Variants in MTX2 observed in about 807,000 individuals in gnomAD.
MTX2 encodes metaxin 2, also known as metaxin-2.
Under a neutral mutation model 42.3 loss-of-function variants are expected in MTX2, and 35 were observed. The ratio of observed to expected loss-of-function variants is 0.83; its 90% confidence interval spans 0.63 to 1.10. The LOEUF is 1.10. MTX2 is among the 50% of genes least tolerant of loss of function. The probability of loss-of-function intolerance (pLI) is 0.00; values close to 1 mark genes in which losing one functional copy is unlikely to be tolerated. For missense variants in MTX2, 307 were observed against 304.1 expected (o/e 1.01, Z -0.07); for synonymous variants, 119 against 100.9 (o/e 1.18, Z -1.08).
In MTX2 at chr2:176,269,591, T is replaced by TG; in HGVS notation, c.-33dup. On this transcript the variant is annotated 5_prime_UTR_variant, in exon 1 of 10. Transcript: ENST00000249442. ...TTGCGGTGGAGGACGCTGAGGCCCG[T>TG]GGGGGGCAGGCACCCGGGCGCCGGG... 3 of 1,560,232 alleles carry TG rather than the reference T, an allele frequency of 1.9e-6. No homozygotes were observed. Among genetic ancestry groups the TG allele is most frequent in the Middle Eastern group, 1.8e-4 (1 of 5,580 alleles).
chr2:176,291,728 A>G (rs553304606), intron 1 of MTX2, among the ~76,000 whole-genome samples: 51 of 152,278 alleles, frequency 3.3e-4, no homozygotes, highest in Admixed American at 7.2e-4. Flanking sequence ...ACCTTATGCA[A>G]CTGCACAGGT....
At chr2:176,304,398 G>T (rs1684095492) in intron 3 of MTX2, 2 of 152,756 alleles carry the variant, frequency 1.3e-5, no homozygotes, top group African/African-American at 2.4e-5. Context: ...GTTTAAAATA[G>T]TCACAAATAT....
intron 1 of MTX2, among the ~76,000 whole-genome samples, chr2:176,285,562 C>G (rs1261295731): frequency 6.6e-6 from 1 of 151,608 alleles, no homozygotes; most frequent in East Asian, 1.9e-4. Flanking sequence ...AACCACTGGT[C>G]TACTCTGTTT....
At chr2:176,283,934 C>G (rs1331507823) in intron 1 of MTX2, among the ~76,000 whole-genome samples, 2 of 151,384 alleles carry the variant, frequency 1.3e-5, no homozygotes, top group African/African-American at 4.9e-5. Flanking sequence ...ATTTTTAGTT[C>G]TGAGAAAAAC....
At chr2:176,320,253 AAAAAG>A (rs1684547293) in intron 3 of MTX2, among the ~76,000 whole-genome samples, 1 of 152,188 alleles carries the variant, frequency 6.6e-6, no homozygotes, top group Admixed American at 6.5e-5. Context: ...GTCTCAAAAA[AAAAAG>A]AAGCATAGGT....
At chr2:176,282,961 C>G (rs1283497054) in intron 1 of MTX2, among the ~76,000 whole-genome samples, 5 of 152,162 alleles carry the variant, frequency 3.3e-5, no homozygotes, top group Non-Finnish European at 7.4e-5. Context: ...CTTGGCCTCC[C>G]AAAGTGCTGG....
At chr2:176,311,099 T>C (rs551501036) in intron 3 of MTX2, among the ~76,000 whole-genome samples, 71 of 152,260 alleles carry the variant, frequency 4.7e-4, no homozygotes, top group Non-Finnish European at 8.2e-4. Flanking sequence ...ATGACCTTTT[T>C]ATTGATGTTG....
At chr2:176,276,843 A>G (rs1460373635) in intron 1 of MTX2, among the ~76,000 whole-genome samples, 1 of 152,142 alleles carries the variant, frequency 6.6e-6, no homozygotes, top group African/African-American at 2.4e-5. Flanking sequence ...TATTTTAAGC[A>G]CATCAGTTAG....
intron 1 of MTX2, 44 bp from the exon 2 acceptor site, chr2:176,296,816 G>A (rs1162259038): frequency 6.3e-7 from 1 of 1,595,024 alleles, no homozygotes; most frequent in African/African-American, 1.3e-5. Context: ...TTATTGATAT[G>A]TTTTTGCTTT....
intron 1 of MTX2, among the ~76,000 whole-genome samples, chr2:176,294,716 G>T (rs1401751917): frequency 6.6e-6 from 1 of 152,198 alleles, no homozygotes; most frequent in Non-Finnish European, 1.5e-5. Flanking sequence ...TAATGCTAGT[G>T]TATGTAAAGG....
chr2:176,333,075 G>T (rs1158726839), intron 9 of MTX2, among the ~76,000 whole-genome samples: 4 of 151,392 alleles, frequency 2.6e-5, no homozygotes, highest in African/African-American at 9.7e-5. Context: ...AATGTGGAAA[G>T]AATAATAATG....
At chr2:176,303,931 GT>G (rs200264455) in intron 3 of MTX2, among the ~76,000 whole-genome samples, 5,352 of 151,918 alleles carry the variant, frequency 0.035, 126 homozygotes, top group Middle Eastern at 0.071. Context: ...GTACTTTTTT[GT>G]TTAAAAAGTA....
intron 3 of MTX2, among the ~76,000 whole-genome samples, chr2:176,303,868 G>A (rs1020084687): frequency 5.3e-5 from 8 of 151,934 alleles, no homozygotes; most frequent in African/African-American, 1.9e-4. Flanking sequence ...TTAACTTAAC[G>A]AAAATTCACA....
chr2:176,323,860 CA>C lies in MTX2; in HGVS notation c.208+397del, dbSNP rs369503568. Among the ~76,000 whole-genome samples, 323 of 151,668 alleles carry C rather than the reference CA, an allele frequency of 2.1e-3. 1 individual carries two copies. The highest frequency in any genetic ancestry group is 7.3e-3 in the African/African-American group (304 of 41,466). Reference sequence around the variant, plus strand: ...TTCTTAATTATATTCTCCCATAATACAGCTGGAAGAAGAGAGATTGTAGAAA... The same window carrying C: ...TTCTTAATTATATTCTCCCATAATACGCTGGAAGAAGAGAGATTGTAGAAA... On this transcript the variant is annotated intron_variant, in intron 4 of 9. Transcript: ENST00000249442.
At chr2:176,269,863 C>T (rs565413298) in intron 1 of MTX2, among the ~76,000 whole-genome samples, 194 bp downstream of exon 1, 8 of 152,166 alleles carry the variant, frequency 5.3e-5, no homozygotes, top group Non-Finnish European at 1.2e-4. Context: ...GCCAAGGTCA[C>T]CCCGCAGGAG....
At chr2:176,320,908 G>C (rs1575057488) in intron 3 of MTX2, among the ~76,000 whole-genome samples, 1 of 152,000 alleles carries the variant, frequency 6.6e-6, no homozygotes, top group East Asian at 1.9e-4. Context: ...TGTTTTCTAA[G>C]CTGGTCTTGA....
chr2:176,336,987 AAG>A (rs1158161288), intron 9 of MTX2, among the ~76,000 whole-genome samples: 2 of 152,196 alleles, frequency 1.3e-5, no homozygotes, highest in African/African-American at 4.8e-5. Flanking sequence ...TGTATTGAGA[AAG>A]AAAGAAAAAA....
At chr2:176,314,264 C>T (rs188562068) in intron 3 of MTX2, among the ~76,000 whole-genome samples, 4 of 151,924 alleles carry the variant, frequency 2.6e-5, no homozygotes, top group African/African-American at 7.3e-5. Flanking sequence ...GGCAAAACCC[C>T]GTCTCTACTA....
At chr2:176,317,043 AAAAAAAAAC>A in intron 3 of MTX2, among the ~76,000 whole-genome samples, 1 of 151,604 alleles carries the variant, frequency 6.6e-6, no homozygotes, top group Admixed American at 6.6e-5. Flanking sequence ...TTTTTTAAAA[AAAAAAAAAC>A]AAAAACTTTT....
Sources: gnomAD v4.1 joint callset for allele counts (sites outside exome capture counted in the v4.1 genomes callset) on GRCh38, gnomAD v4.1.1 for gene constraint, MANE v1.5 for transcripts, NCBI Gene and HGNC (gene_info 2026-07-23, HGNC 2026-07-21) for gene names.